MYO7B: variants seen among roughly 807,000 people sequenced by gnomAD.
MYO7B encodes the protein myosin VIIB.
In MYO7B, 212 loss-of-function variants were observed where a neutral mutation model predicts 259.7. The observed-to-expected ratio is 0.82, with a 90% CI of 0.73 to 0.91. The LOEUF (loss-of-function observed/expected upper bound fraction) is 0.91. MYO7B is among the 40% of genes least tolerant of loss of function. The pLI is 0.00. For missense variants in MYO7B, 2,732 were observed against 2,813.5 expected, an observed-to-expected ratio of 0.97 and a Z score of 0.66; for synonymous variants, 1,197 against 1,166.4, an observed-to-expected ratio of 1.03 and a Z score of -0.54.
intron 1 of MYO7B, among the ~76,000 whole-genome samples, chr2:127,550,073 C>T (rs1049855248): frequency 6.6e-6 from 1 of 152,190 alleles, no homozygotes; most frequent in East Asian, 1.9e-4. Context: ...CAACCCTCAG[C>T]TCCCACTCAG....
At chr2:127,566,204 G>A (rs1359378896) in intron 4 of MYO7B, among the ~76,000 whole-genome samples, 2 of 152,238 alleles carry the variant, frequency 1.3e-5, no homozygotes, top group East Asian at 3.9e-4. Context: ...CTGGGTGGGG[G>A]CTCCAGATGG....
At chr2:127,551,093 C>A (rs1410582644) in intron 1 of MYO7B, among the ~76,000 whole-genome samples, 1 of 151,026 alleles carries the variant, frequency 6.6e-6, no homozygotes, top group East Asian at 1.9e-4. Context: ...GGGGGTGGGG[C>A]TTAAACAATG....
rs539089064 is a variant in MYO7B, at chr2:127,623,274, G to A, written c.3718G>A (p.Asp1240Asn). Reference sequence around the variant, plus strand: ...TGGAGAGAGCCTAACCGTCCCCGTGGACTCAGCCTCCACATCTCGGGAAAT... The same window carrying A: ...TGGAGAGAGCCTAACCGTCCCCGTGAACTCAGCCTCCACATCTCGGGAAAT... ...ATGESLTVPV[D>N]SASTSREMCM... Residue 1240 changes from aspartate (D) to asparagine (N), a missense_variant, in exon 29 of 48, where the codon GAC (aspartate) becomes AAC (asparagine). Around this residue, in one of 3 missense-constraint regions of MYO7B, gnomAD observed 1,906 missense variants for 2,026.4 expected, o/e 0.94. Transcript: ENST00000409816. The A allele has an allele frequency of 1.2e-6, 2 of 1,613,580 alleles. No homozygotes were observed. Among genetic ancestry groups the A allele is most frequent in the Non-Finnish European group, 1.7e-6 (2 of 1,179,752 alleles).
Position 127,629,024 on chromosome 2 carries a change from T to C in MYO7B, c.4624+489T>C, listed in dbSNP as rs181001723. 1.5e-3 allele frequency among the ~76,000 whole-genome samples: 235 copies of C among 152,284 alleles called. 1 individual carries two copies. The highest frequency in any genetic ancestry group is 2.8e-3 in the Non-Finnish European group (191 of 68,002). The stretch of plus-strand genomic sequence containing the variant: ...ACTCCATCGAGAGCTGGGCTGTGTC[T>C]GTGGGCTATGGGGGAGCATGGCAAA... On this transcript the variant is annotated intron_variant, in intron 34 of 47. Transcript: ENST00000409816.
chr2:127,588,655 A>G, intron 15 of MYO7B, 100 bp downstream of exon 15: 1 of 1,415,532 alleles, frequency 7.1e-7, no homozygotes, highest in Non-Finnish European at 9.6e-7. Context: ...CTGGGTCCAC[A>G]GCATGCAGTT....
At chr2:127,566,599 C>T in intron 4 of MYO7B, 44 bp from the exon 5 acceptor site, 2 of 1,503,288 alleles carry the variant, frequency 1.3e-6, no homozygotes, top group South Asian at 1.3e-5. Context: ...GGCCGAGTAC[C>T]TCTGCCAGGG....
At position 127,635,740 on chromosome 2, in the gene MYO7B, C is replaced by T. The variant is rs376214274; in HGVS notation, c.5839C>T (p.Arg1947Cys). The change falls in exon 44 of 48, where the codon CGC (arginine) becomes TGC (cysteine). Residue 1947 changes from arginine to cysteine, a missense_variant. By Grantham distance (180) the Arg-to-Cys change is radical. Coordinates refer to ENST00000409816, the MANE Select transcript of MYO7B (RefSeq NM_001393586.1). The part of the protein sequence containing the change: ...HYHQELPKYL[R>C]GFHKCSREDA... The stretch of plus-strand genomic sequence containing the variant: ...CACCCAGGAGCTGCCCAAGTACCTG[C>T]GCGGATTCCACAAGTGTTCGCGGGA... The T allele has an allele frequency of 1.6e-3, 2,559 of 1,603,542 alleles. 61 individuals carry two copies. The South Asian group carries it at 0.027, about 17-fold the overall frequency.
Position 127,628,392 on chromosome 2 carries a change from G to A in MYO7B, c.4481G>A (p.Arg1494Lys), listed in dbSNP as rs1165950104. The change falls in exon 34 of 48, where the codon AGG becomes AAG. Residue 1494 changes from arginine to lysine, a missense_variant. By Grantham distance (26) the Arg-to-Lys change is conservative. Transcript: ENST00000409816. This position sits in a 1 kb window ranked among gnomAD's most constrained non-coding sequence, Gnocchi z 4.8. ...TCCAGGGAGGCCCAGGGCGGGCAGA[G>A]GCTGCTGCTCTCCACGATGCATGAG... The part of the protein sequence containing the change: ...ATNREAQGGQ[R>K]LLLSTMHEEY... 6.2e-7 allele frequency: 1 copy of A among 1,601,348 alleles called. No individual in the cohort carries two copies.
Position 127,584,441 on chromosome 2 carries a change from A to C in MYO7B, c.1554+109A>C. The C allele has an allele frequency of 8.3e-7, 1 of 1,203,562 alleles. No homozygotes were observed. Among genetic ancestry groups the C allele is most frequent in the South Asian group, 1.5e-5 (1 of 68,292 alleles). 74.6% of individuals were successfully genotyped at this position (1,203,562 alleles called of 1,614,324 possible). On this transcript the variant is annotated intron_variant, in intron 13 of 47. Transcript: ENST00000409816. The surrounding 1 kb of genome is among the most constrained non-coding windows in gnomAD (Gnocchi z 5.8). The stretch of plus-strand genomic sequence containing the variant: ...GCCACTTGTTCTGAGAGTCACTAAA[A>C]CCTCTGCCAGGAATAAGCAGAAGAG...
At chr2:127,623,417 C>T (rs1680937093) in intron 29 of MYO7B, 42 bp downstream of exon 29, 11 of 1,508,030 alleles carry the variant, frequency 7.3e-6, no homozygotes, top group African/African-American at 1.4e-5. Context: ...CTCCCTCATA[C>T]ACCCAGGGAG....
chr2:127,570,195 T>C (rs1244050423), intron 6 of MYO7B, among the ~76,000 whole-genome samples: 1 of 151,700 alleles, frequency 6.6e-6, no homozygotes, highest in Non-Finnish European at 1.5e-5. Flanking sequence ...ATTTGGGAAA[T>C]GCTAGATGCA....
At chr2:127,624,373 C>T in intron 30 of MYO7B, 53 bp downstream of exon 30, 1 of 1,498,240 alleles carries the variant, frequency 6.7e-7, no homozygotes, top group Non-Finnish European at 9.0e-7. Flanking sequence ...AGGAAACATC[C>T]CATAGAGGAG....
chr2:127,576,093 G>T lies in MYO7B; in HGVS notation c.736-502G>T, dbSNP rs961741588. 2.0e-5 allele frequency among the ~76,000 whole-genome samples: 3 copies of T among 152,100 alleles called. No homozygotes were observed. The highest frequency in any genetic ancestry group is 4.4e-5 in the Non-Finnish European group (3 of 68,016). ...GTGTGCCTGTGATCTTAGCTACTTGGTAGGCTGAGGTGGGAGGATGGCTTG... is the reference window on the plus strand; with the variant it reads ...GTGTGCCTGTGATCTTAGCTACTTGTTAGGCTGAGGTGGGAGGATGGCTTG... On this transcript the variant is annotated intron_variant, in intron 7 of 47. Transcript: ENST00000409816. This position sits in a 1 kb window ranked among gnomAD's most constrained non-coding sequence, Gnocchi z 4.9.
Position 127,584,075 on chromosome 2 carries a change from C to T in MYO7B, c.1344-47C>T. The T allele has an allele frequency of 1.3e-6, 2 of 1,557,366 alleles. No homozygotes were observed. The highest frequency in any genetic ancestry group is 1.8e-6 in the Non-Finnish European group (2 of 1,142,650). ...TGGCTCCAGCCTGCTGCAGCGGGGA[C>T]TCAGCTGGCCCCACTCCACCCCTGG... On this transcript the variant is annotated intron_variant, in intron 12 of 47. Transcript: ENST00000409816. The surrounding 1 kb of genome is among the most constrained non-coding windows in gnomAD (Gnocchi z 5.8).
At position 127,632,375 on chromosome 2, in the gene MYO7B, C is replaced by T; in HGVS notation, c.5379C>T (p.Cys1793=). 1 of 1,578,834 alleles carries T rather than the reference C, an allele frequency of 6.3e-7. No homozygotes were observed. The highest frequency in any genetic ancestry group is 8.6e-7 in the Non-Finnish European group (1 of 1,161,980). ...GGGGGAAGCTGCTGGCCCCCGACTG[C>T]AGCCGCCGAATCCAGAAGGTCCTGA... ...TRRGKLLAPD[C]SRRIQKVLRT... Residue 1793 remains cysteine, a synonymous_variant, in exon 39 of 48, where the codon TGC becomes TGT. Coordinates refer to ENST00000409816, the MANE Select transcript of MYO7B (RefSeq NM_001393586.1).
rs1679380243 is a variant in MYO7B at position 127,588,278 on chromosome 2, T to C, written c.1691-114T>C. 7.2e-6 allele frequency: 9 copies of C among 1,243,560 alleles called. No homozygotes were observed. The South Asian group carries it at 1.2e-4, about 16-fold the overall frequency. 77.0% of individuals were successfully genotyped at this position (1,243,560 alleles called of 1,614,324 possible). A position where few individuals can be genotyped will look rare whatever the true frequency, so the allele number is the denominator to read the frequency against. On this transcript the variant is annotated intron_variant, in intron 14 of 47. Transcript: ENST00000409816. ...GAGAGCATGGCCGTAGTGGGGCCAT[T>C]GTAGGAGGGGGCTCCTCCACGCATC...
chr2:127,595,527 C>T (rs2104987164), intron 18 of MYO7B, among the ~76,000 whole-genome samples: 1 of 152,248 alleles, frequency 6.6e-6, no homozygotes, highest in East Asian at 1.9e-4. Flanking sequence ...AGTTTGTTTG[C>T]TCTTGATTCT....
intron 26 of MYO7B, among the ~76,000 whole-genome samples, chr2:127,617,545 G>A (rs1180770752): frequency 8.3e-6 from 1 of 120,300 alleles, no homozygotes; most frequent in Non-Finnish European, 1.6e-5. Flanking sequence ...GCCCAGGCCA[G>A]ACTGCGGACT....
In MYO7B at chr2:127,636,764, G is replaced by A. The variant is rs113726547; in HGVS notation, c.6208-30G>A. Reference sequence around the variant, plus strand: ...CACACAGAGCCCGTGCTCTGGAGGCGTCCGGCCCACCCACCCTCTCTGCCC... The same window carrying A: ...CACACAGAGCCCGTGCTCTGGAGGCATCCGGCCCACCCACCCTCTCTGCCC... On this transcript the variant is annotated intron_variant, in intron 46 of 47. Transcript: ENST00000409816. This position sits in a 1 kb window ranked among gnomAD's most constrained non-coding sequence, Gnocchi z 4.5. The A allele has an allele frequency of 7.4e-5, 120 of 1,612,604 alleles. No homozygotes were observed. Among genetic ancestry groups the A allele is most frequent in the Middle Eastern group, 5.3e-4 (3 of 5,682 alleles).
Sources: allele counts gnomAD v4.1 joint callset (sites outside exome capture counted in the v4.1 genomes callset), GRCh38; gene constraint gnomAD v4.1.1; regional missense constraint gnomAD v4.1.1; non-coding constraint Gnocchi (gnomAD v3.1); transcripts MANE v1.5; gene names NCBI Gene and HGNC (gene_info 2026-07-23, HGNC 2026-07-21).